Variants in RPA1 observed in about 807,000 individuals in gnomAD.
The protein encoded by RPA1 is replication protein A 70 kDa DNA-binding subunit.
In RPA1, 49 loss-of-function variants were observed where a neutral mutation model predicts 83.0. That is an observed-to-expected ratio of 0.59 (90% CI 0.47 to 0.75). The LOEUF is 0.75. Among genes scored for constraint, RPA1 ranks in the 30% least tolerant of loss-of-function variants. RPA1 has a pLI of 0.00. For missense variants in RPA1, 693 were observed against 776.1 expected, an observed-to-expected ratio of 0.89 and a Z score of 1.27; for synonymous variants, 279 against 281.8, an observed-to-expected ratio of 0.99 and a Z score of 0.10.
chr17:1,844,824 C>A, intron 4 of RPA1, 138 bp downstream of exon 4: 1 of 514,446 alleles, frequency 1.9e-6, no homozygotes, highest in Non-Finnish European at 3.5e-6. Context: ...ACATGGCACC[C>A]AAGGAGGAGA....
intron 5 of RPA1, among the ~76,000 whole-genome samples, chr17:1,859,927 C>T (rs1250801793): frequency 2.0e-5 from 3 of 152,218 alleles, no homozygotes; most frequent in Non-Finnish European, 4.4e-5. Flanking sequence ...ATTCTCCTGC[C>T]TCAGCCTCCT....
chr17:1,858,836 T>C (rs1445484766), intron 5 of RPA1, among the ~76,000 whole-genome samples: 2 of 152,118 alleles, frequency 1.3e-5, no homozygotes, highest in Admixed American at 1.3e-4. Flanking sequence ...CAACATACTT[T>C]GTATGACTTG....
intron 8 of RPA1, among the ~76,000 whole-genome samples, chr17:1,878,643 G>A (rs755034352): frequency 2.0e-5 from 3 of 152,224 alleles, no homozygotes; most frequent in Non-Finnish European, 4.4e-5. Context: ...GGCTCTGGGC[G>A]TGTCCCTCAG....
At position 1,895,011 on chromosome 17, in the gene RPA1, T is replaced by C. The variant is rs761803726; in HGVS notation, c.1662T>C (p.Asn554=). Residue 554 remains asparagine, a splice_region_variant and synonymous_variant, in exon 16 of 17, where the codon AAT becomes AAC. Transcript: ENST00000254719. ...AAYLGELKDK[N]EQAFEEVFQN... The stretch of plus-strand genomic sequence containing the variant: ...AAGTTTTATGTTTGTTTTTGCAGAA[T>C]GAACAGGCATTTGAAGAAGTTTTCC... The C allele has an allele frequency of 6.3e-5, 102 of 1,612,982 alleles. No individual in the cohort carries two copies. Among genetic ancestry groups the C allele is most frequent in the Non-Finnish European group, 8.1e-5 (95 of 1,179,360 alleles).
intron 5 of RPA1, among the ~76,000 whole-genome samples, chr17:1,859,952 A>G (rs569376849): frequency 1.1e-3 from 166 of 152,066 alleles, no homozygotes; most frequent in African/African-American, 3.4e-3. Context: ...AGCTAGGGCT[A>G]CAGGCACGCA....
intron 13 of RPA1, among the ~76,000 whole-genome samples, chr17:1,886,697 T>C (rs191451666): frequency 6.7e-6 from 1 of 150,180 alleles, no homozygotes; most frequent in East Asian, 2.0e-4. Flanking sequence ...CCATCTTTTC[T>C]TCTGCAGCTT....
intron 5 of RPA1, among the ~76,000 whole-genome samples, chr17:1,867,611 C>T (rs913215369): frequency 2.0e-5 from 3 of 151,892 alleles, no homozygotes; most frequent in Admixed American, 6.6e-5. Context: ...CTCGGGAAGT[C>T]GAGGTGGGAG....
intron 1 of RPA1, among the ~76,000 whole-genome samples, chr17:1,838,216 G>A (rs569215544): frequency 2.0e-5 from 3 of 151,018 alleles, no homozygotes; most frequent in African/African-American, 4.9e-5. Flanking sequence ...GCGTGAACCC[G>A]GGAGGCGGAG....
At position 1,899,903 on chromosome 17, in the gene RPA1, AT is replaced by A. The variant is rs1914585502; in HGVS notation, c.*2730del. 6.6e-6 allele frequency: 1 copy of A among 152,118 alleles called. No homozygotes were observed. The highest frequency in any genetic ancestry group is 1.5e-5 in the Non-Finnish European group (1 of 68,030). The allele number at this position is 152,118 out of a possible 1,614,324, so 9.4% of individuals were successfully genotyped here. ...ATTGTTTCCTTGTCTCAAAGGGAAG[AT>A]TCCCCCCACTCCCCGGCCACCTTTT... On this transcript the variant is annotated 3_prime_UTR_variant, in exon 17 of 17. Transcript: ENST00000254719.
chr17:1,877,968 C>T (rs1190876769), intron 8 of RPA1, among the ~76,000 whole-genome samples: 1 of 152,216 alleles, frequency 6.6e-6, no homozygotes, highest in African/African-American at 2.4e-5. Context: ...TGGTGGCTCA[C>T]GCCTGTAATC....
intron 1 of RPA1, among the ~76,000 whole-genome samples, chr17:1,839,429 G>C (rs993364227): frequency 6.6e-6 from 1 of 151,312 alleles, no homozygotes; most frequent in East Asian, 2.0e-4. Flanking sequence ...GGGTTCAAGC[G>C]ATTCTCCTAC....
In RPA1 at chr17:1,899,756, TTGACTCATGTTTC is replaced by T. The variant is rs1486048897; in HGVS notation, c.*2583_*2595del. 3 of 152,250 alleles carry T rather than the reference TTGACTCATGTTTC, an allele frequency of 2.0e-5. No individual in the cohort carries two copies. The highest frequency in any genetic ancestry group is 4.4e-5 in the Non-Finnish European group (3 of 68,044). 9.4% of individuals were successfully genotyped at this position (152,250 alleles called of 1,614,324 possible). On this transcript the variant is annotated 3_prime_UTR_variant, in exon 17 of 17. Transcript: ENST00000254719. ...GCCGCCCAGTATGTAAAGGTTTATA[TTGACTCATGTTTC>T]TTTGGCAATATGCCGCCCAAGGTTT...
intron 1 of RPA1, among the ~76,000 whole-genome samples, chr17:1,832,512 A>C (rs1911657926): frequency 6.6e-6 from 1 of 151,474 alleles, no homozygotes. Flanking sequence ...TCAGCCTCCC[A>C]GGTAGCTGAG....
At chr17:1,887,045 GA>G (rs909563618) in intron 13 of RPA1, among the ~76,000 whole-genome samples, 34 of 152,286 alleles carry the variant, frequency 2.2e-4, no homozygotes, top group African/African-American at 8.2e-4. Context: ...TGGCTTAAGA[GA>G]ATGTTGTGGC....
chr17:1,872,470 C>A lies in RPA1; in HGVS notation c.398C>A (p.Ala133Glu). 1 of 1,613,986 alleles carries A rather than the reference C, an allele frequency of 6.2e-7. No homozygotes were observed. The highest frequency in any genetic ancestry group is 8.5e-7 in the Non-Finnish European group (1 of 1,179,978). Reference protein sequence around the residue: ...GQPQVAPPAPAASPAASSRPQ... With the variant: ...GQPQVAPPAPEASPAASSRPQ... ...CCGCAAGTAGCTCCTCCAGCGCCAG[C>A]AGCCAGCCCAGCAGCAAGCAGCAGG... The change falls in exon 6 of 17, where the codon GCA (alanine) becomes GAA (glutamate). Residue 133 changes from alanine (A) to glutamate (E), a missense_variant. Coordinates refer to ENST00000254719, the MANE Select transcript of RPA1 (RefSeq NM_002945.5).
chr17:1,851,817 A>G (rs1912506347), intron 4 of RPA1, among the ~76,000 whole-genome samples: 1 of 138,912 alleles, frequency 7.2e-6, no homozygotes, highest in Admixed American at 7.1e-5. Flanking sequence ...TTTCAGGCTT[A>G]TCTTATTGAA....
At chr17:1,888,284 G>A (rs950313495) in intron 13 of RPA1, among the ~76,000 whole-genome samples, 1 of 152,186 alleles carries the variant, frequency 6.6e-6, no homozygotes, top group African/African-American at 2.4e-5. Flanking sequence ...TTTGTGGTCC[G>A]CATTCTGTAT....
chr17:1,880,508 G>T lies in RPA1; in HGVS notation c.1093-35G>T, dbSNP rs780568207. 3.1e-6 allele frequency: 5 copies of T among 1,602,264 alleles called. No homozygotes were observed. The Admixed American group carries it at 5.1e-5, about 16-fold the overall frequency. ...AAAATCTTCTGTGTTCTTCCTGCTAGTGACACTTGTATATGTCTGGTGTTT... is the reference window on the plus strand; with the variant it reads ...AAAATCTTCTGTGTTCTTCCTGCTATTGACACTTGTATATGTCTGGTGTTT... On this transcript the variant is annotated intron_variant, in intron 11 of 16. Transcript: ENST00000254719.
intron 12 of RPA1, among the ~76,000 whole-genome samples, chr17:1,882,023 T>C (rs551093596): frequency 1.3e-4 from 20 of 151,372 alleles, no homozygotes; most frequent in Admixed American, 3.3e-4. Context: ...GCCGCTTACC[T>C]GACAGGAGAA....
Sources: allele counts gnomAD v4.1 joint callset (sites outside exome capture counted in the v4.1 genomes callset), GRCh38; gene constraint gnomAD v4.1.1; transcripts MANE v1.5; gene names NCBI Gene and HGNC (gene_info 2026-07-23, HGNC 2026-07-21).